Variants in CREBBP observed in about 807,000 individuals in gnomAD.
CREBBP encodes the protein CREB binding lysine acetyltransferase.
In CREBBP, 19 loss-of-function variants were observed where a neutral mutation model predicts 265.0. The ratio of observed to expected loss-of-function variants is 0.07; its 90% CI spans 0.05 to 0.11. CREBBP has a LOEUF of 0.11. CREBBP is among the 10% of genes least tolerant of loss of function. CREBBP has a pLI of 1.00. For synonymous variants in CREBBP, 1,457 were observed against 1,223.7 expected (o/e 1.19, Z -3.98); for missense variants, 2,525 against 3,219.0 (o/e 0.78, Z 5.22).
At position 3,738,710 on chromosome 16, in the gene CREBBP, C is replaced by T. The variant is rs371269073; in HGVS notation, c.4281-38G>A. On this transcript the variant is annotated intron_variant, in intron 25 of 30. Coordinates refer to ENST00000262367, the MANE Select transcript of CREBBP (RefSeq NM_004380.3). ...GGCACATGTTTAACTCAGGGTATCCCTCAAATCTGAAATCAAACACAAGCA... is the reference window on the plus strand; with the variant it reads ...GGCACATGTTTAACTCAGGGTATCCTTCAAATCTGAAATCAAACACAAGCA... 4.1e-4 allele frequency: 550 copies of T among 1,326,466 alleles called. 1 individual carries two copies. Among genetic ancestry groups the T allele is most frequent in the Non-Finnish European group, 5.6e-4 (516 of 925,154 alleles). The allele number at this position is 1,326,466 out of a possible 1,614,324, so 82.2% of individuals were successfully genotyped here. A position where few individuals can be genotyped will look rare whatever the true frequency, so the allele number is the denominator to read the frequency against.
chr16:3,795,812 C>A (rs887655227), intron 3 of CREBBP, among the ~76,000 whole-genome samples: 2 of 152,082 alleles, frequency 1.3e-5, no homozygotes, highest in Non-Finnish European at 2.9e-5. Context: ...ATTTAGGACT[C>A]TTTCTTTTAC....
chr16:3,830,658 A>G (rs12447449), intron 2 of CREBBP, among the ~76,000 whole-genome samples: 4,976 of 152,300 alleles, frequency 0.033, 117 homozygotes, highest in Non-Finnish European at 0.051. Flanking sequence ...CTAAAATTGT[A>G]ATTGTAGATT....
chr16:3,869,896 T>TC, intron 1 of CREBBP, among the ~76,000 whole-genome samples: 1 of 152,324 alleles, frequency 6.6e-6, no homozygotes, highest in East Asian at 1.9e-4. Context: ...TCTCTTGCCA[T>TC]CATTCAAATG....
At chr16:3,777,039 A>G (rs1334204745) in intron 11 of CREBBP, among the ~76,000 whole-genome samples, 1 of 146,054 alleles carries the variant, frequency 6.8e-6, no homozygotes, top group Non-Finnish European at 1.5e-5. Context: ...AGAAAAGAAA[A>G]TAAAGTAAAA....
intron 2 of CREBBP, among the ~76,000 whole-genome samples, chr16:3,831,322 TA>T (rs903931177): frequency 6.6e-6 from 1 of 152,158 alleles, no homozygotes; most frequent in East Asian, 1.9e-4. Context: ...TAAACTAATT[TA>T]AAAAATGTAT....
rs919568536 is a variant in CREBBP, at chr16:3,802,993, G to C, written c.975+7610C>G. ...CTACAACAGCTGGGTATGCAAAGCTGTGGCGCCATAAAACAAAGAAAATGC... is the reference window on the plus strand; with the variant it reads ...CTACAACAGCTGGGTATGCAAAGCTCTGGCGCCATAAAACAAAGAAAATGC... On this transcript the variant is annotated intron_variant, in intron 3 of 30. Transcript: ENST00000262367. Among the ~76,000 whole-genome samples, 11 of 152,166 alleles carry C rather than the reference G, an allele frequency of 7.2e-5. No individual in the cohort carries two copies. In the East Asian group the frequency reaches 2.1e-3, roughly 29 times the overall value.
intron 1 of CREBBP, among the ~76,000 whole-genome samples, chr16:3,878,840 A>G (rs1187509009): frequency 6.6e-6 from 1 of 152,262 alleles, no homozygotes; most frequent in African/African-American, 2.4e-5. Context: ...CAACTAGTTC[A>G]TGTTACCATG....
chr16:3,755,116 T>G (rs1412684453), intron 19 of CREBBP, among the ~76,000 whole-genome samples: 1 of 152,226 alleles, frequency 6.6e-6, no homozygotes, highest in Non-Finnish European at 1.5e-5. Context: ...TACATTACTT[T>G]TGTTTAGTAA....
Position 3,727,745 on chromosome 16 carries a change from C to T in CREBBP, c.7302G>A (p.Thr2434=), listed in dbSNP as rs144609433. 8.9e-4 allele frequency: 1,438 copies of T among 1,614,156 alleles called. 1 individual carries two copies. The highest frequency in any genetic ancestry group is 1.3e-3 in the African/African-American group (98 of 75,060). The change falls in exon 31 of 31, where the codon ACG becomes ACA. Residue 2434 remains threonine (T), a synonymous_variant. Transcript: ENST00000262367. ...LSLVGDTTGD[T]LEKFVEGL ...ACAAGCCCTCCACAAACTTCTCTAG[C>T]GTGTCCCCCGTGGTGTCCCCGACCA...
intron 2 of CREBBP, among the ~76,000 whole-genome samples, chr16:3,849,037 A>G (rs1347565506): frequency 6.6e-6 from 1 of 152,102 alleles, no homozygotes; most frequent in East Asian, 1.9e-4. Context: ...TTCTACTCTT[A>G]TTCTCCCTCA....
intron 8 of CREBBP, 86 bp from the exon 9 acceptor site, chr16:3,778,903 A>C: frequency 9.1e-5 from 104 of 1,139,264 alleles, no homozygotes; most frequent in Non-Finnish European, 1.2e-4. Context: ...GCGGTGGCTC[A>C]CGCTTGTAAT....
chr16:3,809,491 A>C (rs1444845122), intron 3 of CREBBP, among the ~76,000 whole-genome samples: 1 of 152,120 alleles, frequency 6.6e-6, no homozygotes, highest in African/African-American at 2.4e-5. Flanking sequence ...CACCTTTTTA[A>C]ATGGAGGTAC....
chr16:3,772,016 C>T (rs554785227), intron 13 of CREBBP, among the ~76,000 whole-genome samples: 1 of 151,858 alleles, frequency 6.6e-6, no homozygotes, highest in East Asian at 1.9e-4. Context: ...CCCAGAATTT[C>T]CCATTTAATA....
In CREBBP at chr16:3,736,310, G is replaced by C. The variant is rs557897419; in HGVS notation, c.4561-107C>G. ...GTGCCCCTCACCATGGTGTGGCAGA[G>C]TCCCATGCATGTGTGCCCCCCCACC... On this transcript the variant is annotated intron_variant, in intron 27 of 30. Transcript: ENST00000262367. 1.6e-5 allele frequency: 19 copies of C among 1,191,386 alleles called. No individual in the cohort carries two copies. The African/African-American group carries it at 2.6e-4, about 16-fold the overall frequency. 73.8% of individuals were successfully genotyped at this position (1,191,386 alleles called of 1,614,324 possible). A position where few individuals can be genotyped will look rare whatever the true frequency, so the allele number is the denominator to read the frequency against.
chr16:3,743,775 T>A (rs1238052048), intron 23 of CREBBP: 1 of 151,924 alleles, frequency 6.6e-6, no homozygotes, highest in Non-Finnish European at 1.5e-5. Flanking sequence ...AACAATGCAA[T>A]GTGGTCTTAA....
At chr16:3,814,213 TTCTGTGTG>T (rs1314005856) in intron 2 of CREBBP, among the ~76,000 whole-genome samples, 12 of 85,192 alleles carry the variant, frequency 1.4e-4, no homozygotes, top group African/African-American at 2.3e-4. Context: ...CAGAGTCTCG[TTCTGTGTG>T]TGTGTGTGTG....
At chr16:3,735,849 T>C (rs2052042771) in intron 28 of CREBBP, among the ~76,000 whole-genome samples, 187 bp downstream of exon 28, 1 of 152,168 alleles carries the variant, frequency 6.6e-6, no homozygotes, top group Non-Finnish European at 1.5e-5. Flanking sequence ...GAGCATCCAC[T>C]GTGCAGAGAG....
chr16:3,753,375 G>A (rs975041563), intron 19 of CREBBP, among the ~76,000 whole-genome samples: 6 of 152,200 alleles, frequency 3.9e-5, no homozygotes, highest in African/African-American at 1.4e-4. Flanking sequence ...TTCAGTGCAT[G>A]CACATCTCAA....
chr16:3,774,804 A>G, intron 11 of CREBBP, 111 bp from the exon 12 acceptor site: 1 of 1,369,858 alleles, frequency 7.3e-7, no homozygotes, highest in Non-Finnish European at 1.0e-6. Flanking sequence ...CAGGCAACAG[A>G]AAACTGAAAA....
Sources: allele counts gnomAD v4.1 joint callset (sites outside exome capture counted in the v4.1 genomes callset), GRCh38; gene constraint gnomAD v4.1.1; transcripts MANE v1.5; gene names NCBI Gene and HGNC (gene_info 2026-07-23, HGNC 2026-07-21).